CREB3L1: variants seen among roughly 807,000 people sequenced by gnomAD.
The protein encoded by CREB3L1 is cyclic AMP-responsive element-binding protein 3-like protein 1.
CREB3L1 carries 33 observed loss-of-function variants against 54.5 expected under a neutral mutation model. That is an observed-to-expected ratio of 0.61 (90% CI 0.46 to 0.81). The LOEUF is 0.81. Among genes scored for constraint, CREB3L1 ranks in the 30% least tolerant of loss-of-function variants. The pLI is 0.00. For synonymous variants in CREB3L1, 284 were observed against 286.4 expected, an observed-to-expected ratio of 0.99 and a Z score of 0.08; for missense variants, 656 against 673.3, an observed-to-expected ratio of 0.97 and a Z score of 0.29.
intron 1 of CREB3L1, among the ~76,000 whole-genome samples, chr11:46,297,793 C>T (rs1289279504): frequency 6.6e-6 from 1 of 152,102 alleles, no homozygotes; most frequent in Non-Finnish European, 1.5e-5. Flanking sequence ...GCCAAACATT[C>T]CCCCCACAAC....
chr11:46,302,702 G>A (rs1337881838), intron 2 of CREB3L1, among the ~76,000 whole-genome samples: 1 of 152,164 alleles, frequency 6.6e-6, no homozygotes, highest in Non-Finnish European at 1.5e-5. Context: ...CTGAGACTTG[G>A]CCGGGTGCAG....
intron 10 of CREB3L1, among the ~76,000 whole-genome samples, chr11:46,318,780 T>C (rs1939604627): frequency 6.6e-6 from 1 of 151,786 alleles, no homozygotes; most frequent in African/African-American, 2.4e-5. Context: ...AGGAAACAGA[T>C]GGGAGGTCAG....
At chr11:46,309,145 A>C (rs899286295) in intron 3 of CREB3L1, among the ~76,000 whole-genome samples, 2 of 152,156 alleles carry the variant, frequency 1.3e-5, no homozygotes, top group Non-Finnish European at 2.9e-5. Context: ...CTGTCACTTG[A>C]GGGCTGAGCT....
Position 46,299,568 on chromosome 11 carries a change from CT to C in CREB3L1, c.103-366del, listed in dbSNP as rs1243254754. ...GAAGGAAGTAAGAAGGACTGAGAAACTGACTCACGCAGTTTAAGTGATTTGA... is the reference window on the plus strand; with the variant it reads ...GAAGGAAGTAAGAAGGACTGAGAAACGACTCACGCAGTTTAAGTGATTTGA... On this transcript the variant is annotated intron_variant, in intron 1 of 11. Coordinates refer to ENST00000621158, the MANE Select transcript of CREB3L1 (RefSeq NM_052854.4). Among the ~76,000 whole-genome samples, 4 of 152,212 alleles carry C rather than the reference CT, an allele frequency of 2.6e-5. No homozygotes were observed. The East Asian group carries it at 7.7e-4, about 29-fold the overall frequency.
chr11:46,314,048 C>T (rs570553412), intron 8 of CREB3L1, among the ~76,000 whole-genome samples: 1 of 152,096 alleles, frequency 6.6e-6, no homozygotes, highest in South Asian at 2.1e-4. Context: ...ACCAGCCTGG[C>T]CAACATGGTG....
At chr11:46,309,498 C>A (rs187031474) in intron 3 of CREB3L1, among the ~76,000 whole-genome samples, 25 of 152,344 alleles carry the variant, frequency 1.6e-4, no homozygotes, top group African/African-American at 5.8e-4. Flanking sequence ...TCATTGCCTC[C>A]AACTTCTTTG....
chr11:46,298,566 G>A (rs1939246250), intron 1 of CREB3L1, among the ~76,000 whole-genome samples: 1 of 152,094 alleles, frequency 6.6e-6, no homozygotes, highest in Non-Finnish European at 1.5e-5. Context: ...GGGCGTGGTG[G>A]TGCGCACCTG....
intron 10 of CREB3L1, among the ~76,000 whole-genome samples, chr11:46,319,479 T>C (rs2136360195): frequency 6.6e-6 from 1 of 152,364 alleles, no homozygotes; most frequent in South Asian, 2.1e-4. Context: ...CCTTGGATAA[T>C]GCCTAACAAA....
At chr11:46,299,847 G>T in intron 1 of CREB3L1, 88 bp from the exon 2 acceptor site, 1 of 888,714 alleles carries the variant, frequency 1.1e-6, no homozygotes, top group East Asian at 2.6e-5. Flanking sequence ...GGTGGCCATG[G>T]TGGGGTGCTG....
chr11:46,306,748 C>T (rs923246110), intron 2 of CREB3L1, among the ~76,000 whole-genome samples: 3 of 151,736 alleles, frequency 2.0e-5, no homozygotes, highest in African/African-American at 7.3e-5. Flanking sequence ...TGTATTAACA[C>T]TGGCTTGTAT....
At chr11:46,315,907 G>A in intron 8 of CREB3L1, 1 of 214,884 alleles carries the variant, frequency 4.7e-6, no homozygotes, top group East Asian at 9.6e-5. Context: ...GTGCCAAACA[G>A]CTCCTTCTTA....
At position 46,312,689 on chromosome 11, in the gene CREB3L1, G is replaced by A. The variant is rs759069804; in HGVS notation, c.962+19G>A. The stretch of plus-strand genomic sequence containing the variant: ...AAAAGAAGTAAGGGGCTTGGGAGGG[G>A]TGGGCAATCCACTCCCTTGCCTGAC... On this transcript the variant is annotated intron_variant, in intron 7 of 11. Transcript: ENST00000621158. 5.6e-6 allele frequency: 9 copies of A among 1,600,536 alleles called. No homozygotes were observed. The African/African-American group carries it at 1.2e-4, about 21-fold the overall frequency.
At chr11:46,285,701 C>T (rs957603056) in intron 1 of CREB3L1, among the ~76,000 whole-genome samples, 9 of 152,162 alleles carry the variant, frequency 5.9e-5, no homozygotes, top group Non-Finnish European at 1.3e-4. Flanking sequence ...CTTCCTTGGC[C>T]GTTGGCTCGT....
At chr11:46,293,638 C>A (rs535440961) in intron 1 of CREB3L1, among the ~76,000 whole-genome samples, 5 of 152,354 alleles carry the variant, frequency 3.3e-5, no homozygotes, top group Admixed American at 2.0e-4. Context: ...GCTCAGTCCC[C>A]ATGTTGGCGC....
intron 1 of CREB3L1, among the ~76,000 whole-genome samples, chr11:46,283,940 C>T (rs1399612297): frequency 6.6e-6 from 1 of 152,134 alleles, no homozygotes; most frequent in Non-Finnish European, 1.5e-5. Context: ...CTGGGGTTTT[C>T]AGGATCCTGG....
chr11:46,300,453 G>A (rs555686979), intron 2 of CREB3L1, among the ~76,000 whole-genome samples: 3 of 152,350 alleles, frequency 2.0e-5, no homozygotes, highest in African/African-American at 4.8e-5. Context: ...GCAGATTCTC[G>A]GGTTCCACCC....
chr11:46,279,684 G>T (rs1000966212), intron 1 of CREB3L1, among the ~76,000 whole-genome samples: 3 of 152,116 alleles, frequency 2.0e-5, no homozygotes, highest in African/African-American at 7.2e-5. Context: ...GAATAAAGCA[G>T]CAGGGATCGG....
At chr11:46,317,945 C>T (rs1044934672) in intron 10 of CREB3L1, among the ~76,000 whole-genome samples, 14 of 152,186 alleles carry the variant, frequency 9.2e-5, no homozygotes. Flanking sequence ...GGGCCGGGCG[C>T]GGTGGCTCAT....
At chr11:46,316,235 G>C in intron 8 of CREB3L1, 51 bp from the exon 9 acceptor site, 1 of 1,208,420 alleles carries the variant, frequency 8.3e-7, no homozygotes, top group Non-Finnish European at 1.2e-6. Context: ...CCAGGAGGCA[G>C]AGATGCCTGC....
Sources: gnomAD v4.1 joint callset for allele counts (sites outside exome capture counted in the v4.1 genomes callset) on GRCh38, gnomAD v4.1.1 for gene constraint, MANE v1.5 for transcripts, NCBI Gene and HGNC (gene_info 2026-07-23, HGNC 2026-07-21) for gene names.